Variants in C9orf72 observed in about 807,000 individuals in gnomAD.
C9orf72 encodes C9orf72-SMCR8 complex subunit.
A neutral mutation model predicts 51.6 loss-of-function variants in C9orf72; 44 were observed. The observed-to-expected ratio is 0.85, with a 90% CI of 0.67 to 1.10. The LOEUF (loss-of-function observed/expected upper bound fraction) is 1.10. C9orf72 is among the 50% of genes least tolerant of loss of function. The pLI, the probability that C9orf72 is intolerant of heterozygous loss-of-function variation, is 0.00. For missense variants in C9orf72, 607 were observed against 570.6 expected (o/e 1.06, Z -0.65); for synonymous variants, 213 against 194.2 (o/e 1.10, Z -0.81).
In C9orf72 at chr9:27,548,259, G is replaced by A. The variant is rs779449153; in HGVS notation, c.1423C>T (p.Arg475Ter). 21 of 1,608,334 alleles carry A rather than the reference G, an allele frequency of 1.3e-5. No individual in the cohort carries two copies. The highest frequency in any genetic ancestry group is 1.0e-4 in the South Asian group (9 of 89,938). The stretch of plus-strand genomic sequence containing the variant: ...ATTTAAAAAGTCATTAGAACATCTC[G>A]TTCTTGCACACTAGTGTAGAAAGGT... The part of the protein sequence containing the change: ...GRPFYTSVQE[R>*]DVLMTF The change falls in exon 11 of 11, where the codon CGA (arginine) becomes TGA (stop). Residue 475 changes from arginine (R) to a stop codon, truncating the protein, a stop_gained. Transcript: ENST00000380003. LOFTEE classifies it high-confidence loss of function.
chr9:27,561,371 C>T (rs918153890), intron 5 of C9orf72: 25 of 1,282,354 alleles, frequency 1.9e-5, no homozygotes, highest in Admixed American at 8.7e-5. Flanking sequence ...GATGGAAACT[C>T]GGTTTCTTTA....
intron 8 of C9orf72, among the ~76,000 whole-genome samples, chr9:27,555,435 A>G (rs1164527983): frequency 6.6e-6 from 1 of 152,028 alleles, no homozygotes; most frequent in Admixed American, 6.6e-5. Flanking sequence ...GCTCAAACTG[A>G]TTCTGTAGAT....
intron 3 of C9orf72, among the ~76,000 whole-genome samples, chr9:27,564,025 C>T (rs1819411710): frequency 1.3e-5 from 2 of 152,134 alleles, no homozygotes; most frequent in East Asian, 1.9e-4. Flanking sequence ...AAGGCAACTC[C>T]TCCTTTTCGG....
chr9:27,572,698 A>G lies in C9orf72; in HGVS notation c.-45+733T>C, dbSNP rs78444893. 8.9e-3 allele frequency among the ~76,000 whole-genome samples: 1,354 copies of G among 152,226 alleles called. 56 individuals are homozygous for G. The highest frequency in any genetic ancestry group is 0.073 in the Admixed American group (1,117 of 15,288). Reference sequence around the variant, plus strand: ...TGAATACAAAGCCTGGTGGTGTTCAACGCGGCCAGATAGACCCAATGAGCA... The same window carrying G: ...TGAATACAAAGCCTGGTGGTGTTCAGCGCGGCCAGATAGACCCAATGAGCA... On this transcript the variant is annotated intron_variant, in intron 1 of 10. Coordinates refer to ENST00000380003, the MANE Select transcript of C9orf72 (RefSeq NM_018325.5).
At chr9:27,553,122 A>G (rs551600477) in intron 8 of C9orf72, among the ~76,000 whole-genome samples, 2 of 152,312 alleles carry the variant, frequency 1.3e-5, no homozygotes, top group East Asian at 3.9e-4. Context: ...AAGAATTAAT[A>G]TTGTTAAAAT....
chr9:27,551,246 G>T (rs1820900968), intron 8 of C9orf72, among the ~76,000 whole-genome samples: 1 of 152,170 alleles, frequency 6.6e-6, no homozygotes, highest in South Asian at 2.1e-4. Flanking sequence ...TAAGTAACAT[G>T]AACCAACTAT....
rs555236783 is a variant in C9orf72, at chr9:27,560,254, T to A, written c.711A>T (p.Val237=). Residue 237 remains valine, a synonymous_variant, in exon 6 of 11, where the codon GTA becomes GTT. Transcript: ENST00000380003. ...TATTTACTTTCTCTGCACTGCTACC[T>A]ACTACAACGGAACAGCCACAGGTTT... ...HLQTCGCSVV[V]GSSAEKVNKI... 1 of 1,610,184 alleles carries A rather than the reference T, an allele frequency of 6.2e-7. No individual in the cohort carries two copies. The highest frequency in any genetic ancestry group is 1.3e-5 in the African/African-American group (1 of 74,872).
chr9:27,555,637 T>C (rs769319517), intron 8 of C9orf72, among the ~76,000 whole-genome samples: 26 of 151,802 alleles, frequency 1.7e-4, no homozygotes, highest in Non-Finnish European at 3.4e-4. Flanking sequence ...CATAACTCCC[T>C]GTAACCTCAA....
chr9:27,548,311 T>TG lies in C9orf72; in HGVS notation c.1370dup (p.Gly458ArgfsTer14). 1 of 1,612,554 alleles carries TG rather than the reference T, an allele frequency of 6.2e-7. No individual in the cohort carries two copies. The highest frequency in any genetic ancestry group is 8.5e-7 in the Non-Finnish European group (1 of 1,179,318). ...TTCCAAAGATAAAAGAGTGTAGGCCTGGTTTAATTTTCTCAGCCAGAGCCA... is the reference window on the plus strand; with the variant it reads ...TTCCAAAGATAAAAGAGTGTAGGCCTGGGTTTAATTTTCTCAGCCAGAGCCA... On this transcript the variant is annotated frameshift_variant, in exon 11 of 11. Coordinates refer to ENST00000380003, the MANE Select transcript of C9orf72 (RefSeq NM_018325.5). LOFTEE classifies it high-confidence loss of function.
chr9:27,561,381 A>G, intron 5 of C9orf72: 1 of 1,300,814 alleles, frequency 7.7e-7, no homozygotes, highest in Non-Finnish European at 9.7e-7. Context: ...CGGTTTCTTT[A>G]AATAGCAAAT....
chr9:27,548,279 A>G lies in C9orf72; in HGVS notation c.1403T>C (p.Phe468Ser), dbSNP rs1168514330. ...ATCTCGTTCTTGCACACTAGTGTAGAAAGGTCTTCCAAAGATAAAAGAGTG... is the reference window on the plus strand; with the variant it reads ...ATCTCGTTCTTGCACACTAGTGTAGGAAGGTCTTCCAAAGATAAAAGAGTG... ...GLHSFIFGRP[F>S]YTSVQERDVL... Residue 468 changes from phenylalanine (F) to serine (S), a missense_variant, in exon 11 of 11, where the codon TTC becomes TCC. Transcript: ENST00000380003. 6.2e-7 allele frequency: 1 copy of G among 1,613,100 alleles called. No homozygotes were observed. Among genetic ancestry groups the G allele is most frequent in the East Asian group, 2.2e-5 (1 of 44,852 alleles).
chr9:27,560,427 A>G (rs753680112), intron 5 of C9orf72, 128 bp from the exon 6 acceptor site: 46 of 685,668 alleles, frequency 6.7e-5, no homozygotes, highest in Non-Finnish European at 1.0e-4. Context: ...CCGAAGCTAT[A>G]AGCACAATGT....
chr9:27,548,734 C>T (rs1049489429), intron 9 of C9orf72, 68 bp from the exon 10 acceptor site: 2 of 834,514 alleles, frequency 2.4e-6, no homozygotes, highest in Admixed American at 1.9e-5. Flanking sequence ...GTTTCTATGA[C>T]AGTGTTGACA....
chr9:27,548,237 TA>T lies in C9orf72; in HGVS notation c.1444del (p.Ter482LysfsTer5), dbSNP rs1820813407. The T allele has an allele frequency of 1.2e-6, 2 of 1,604,758 alleles. No individual in the cohort carries two copies. Among genetic ancestry groups the T allele is most frequent in the Non-Finnish European group, 1.7e-6 (2 of 1,175,072 alleles). On this transcript the variant is annotated frameshift_variant and stop_lost, in exon 11 of 11. Transcript: ENST00000380003. LOFTEE classifies it high-confidence loss of function. ...VQERDVLMTF[*>X] ...GAATAGGCTTATTAAGTTACACATT[TA>T]AAAAGTCATTAGAACATCTCGTTCT... is the stretch of plus-strand genomic sequence containing the variant.
At chr9:27,573,627 C>G (rs1819651536), upstream of C9orf72, 1 of 152,046 alleles carries the variant, frequency 6.6e-6, no homozygotes, top group African/African-American at 2.4e-5. Flanking sequence ...TAATCTTTAT[C>G]AGGTCTTTTC....
At chr9:27,552,436 C>T (rs2131530709) in intron 8 of C9orf72, among the ~76,000 whole-genome samples, 1 of 152,158 alleles carries the variant, frequency 6.6e-6, no homozygotes, top group African/African-American at 2.4e-5. Context: ...CCAACCTCTG[C>T]CTCCCGGGCT....
rs750045383 is a variant in C9orf72, at chr9:27,548,258, C to T, written c.1424G>A (p.Arg475Gln). 11 of 1,607,912 alleles carry T rather than the reference C, an allele frequency of 6.8e-6. No homozygotes were observed. The highest frequency in any genetic ancestry group is 1.1e-5 in the South Asian group (1 of 89,876). The part of the protein sequence containing the change: ...GRPFYTSVQE[R>Q]DVLMTF ...CATTTAAAAAGTCATTAGAACATCT[C>T]GTTCTTGCACACTAGTGTAGAAAGG... Residue 475 changes from arginine (R) to glutamine (Q), a missense_variant, in exon 11 of 11, where the codon CGA becomes CAA. Transcript: ENST00000380003.
chr9:27,560,334 C>CT, intron 5 of C9orf72, 35 bp from the exon 6 acceptor site: 2 of 1,522,194 alleles, frequency 1.3e-6, no homozygotes, highest in South Asian at 2.4e-5. Flanking sequence ...AAAACATTGC[C>CT]TATAAAACAA....
Position 27,550,690 on chromosome 9 carries a change from A to G in C9orf72, c.1109T>C (p.Val370Ala). Reference protein sequence around the residue: ...FTPDLNIFQDVLHRDTLVKAF... With the variant: ...FTPDLNIFQDALHRDTLVKAF... Reference sequence around the variant, plus strand: ...TTTCACTAGAGTGTCTCTGTGTAAGACATCTTGAAAAATATTCCTGAAGAA... The same window carrying G: ...TTTCACTAGAGTGTCTCTGTGTAAGGCATCTTGAAAAATATTCCTGAAGAA... Residue 370 changes from valine to alanine, a missense_variant, in exon 9 of 11, where the codon GTC (valine) becomes GCC (alanine). By Grantham distance (64) the Val-to-Ala change is moderately conservative (BLOSUM62 0). Coordinates refer to ENST00000380003, the MANE Select transcript of C9orf72 (RefSeq NM_018325.5). The G allele has an allele frequency of 1.9e-6, 3 of 1,584,292 alleles. No homozygotes were observed. The highest frequency in any genetic ancestry group is 1.7e-6 in the Non-Finnish European group (2 of 1,161,642).
Sources: allele counts gnomAD v4.1 joint callset (sites outside exome capture counted in the v4.1 genomes callset), GRCh38; gene constraint gnomAD v4.1.1; transcripts MANE v1.5; gene names NCBI Gene and HGNC (gene_info 2026-07-23, HGNC 2026-07-21).